TRIM24: variants seen among roughly 807,000 people sequenced by gnomAD.
The protein encoded by TRIM24 is tripartite motif containing 24.
Under a neutral mutation model 123.9 loss-of-function variants are expected in TRIM24, and 29 were observed. The observed-to-expected ratio is 0.23, with a 90% CI of 0.17 to 0.32. The LOEUF is 0.32. TRIM24 is among the 10% of genes least tolerant of loss of function. The probability of loss-of-function intolerance (pLI) is 1.00; values close to 1 mark genes in which losing one functional copy is unlikely to be tolerated. For missense variants in TRIM24, 932 were observed against 1,295.3 expected (o/e 0.72, Z 4.31); for synonymous variants, 456 against 461.1 (o/e 0.99, Z 0.14).
chr7:138,465,461 T>G (rs1256918254), intron 1 of TRIM24, among the ~76,000 whole-genome samples: 1 of 152,190 alleles, frequency 6.6e-6, no homozygotes, highest in Non-Finnish European at 1.5e-5. Context: ...TGAGAGCAGT[T>G]TTTTCCTCTC....
chr7:138,585,784 G>A lies in TRIM24; in HGVS notation c.*833G>A, dbSNP rs564644226. 1.9e-6 allele frequency: 1 copy of A among 521,840 alleles called. No homozygotes were observed. The highest frequency in any genetic ancestry group is 1.4e-5 in the South Asian group (1 of 71,338). The allele number at this position is 521,840 out of a possible 1,614,324, so 32.3% of individuals were successfully genotyped here. ...TGATCCTTTTACAACAAGCCTCATT[G>A]TTTGCAGTATAGCTTTTAGTGGAAC... On this transcript the variant is annotated 3_prime_UTR_variant, in exon 19 of 19. Coordinates refer to ENST00000343526, the MANE Select transcript of TRIM24 (RefSeq NM_015905.3).
intron 1 of TRIM24, among the ~76,000 whole-genome samples, chr7:138,497,983 G>A (rs959617076): frequency 1.3e-5 from 2 of 151,684 alleles, no homozygotes; most frequent in African/African-American, 4.8e-5. Flanking sequence ...ATCAGCCTCC[G>A]TGCCTGACCC....
chr7:138,526,539 G>A (rs1431719137), intron 5 of TRIM24, among the ~76,000 whole-genome samples: 2 of 151,974 alleles, frequency 1.3e-5, no homozygotes, highest in South Asian at 2.1e-4. Context: ...TGCCTCCTGG[G>A]TAGCTGGGAT....
At chr7:138,532,912 A>G (rs201455402) in intron 6 of TRIM24, among the ~76,000 whole-genome samples, 1 of 152,140 alleles carries the variant, frequency 6.6e-6, no homozygotes, top group South Asian at 2.1e-4. Context: ...GTAGTTCTCC[A>G]TGAAGGGGTC....
chr7:138,566,988 CTG>C (rs1797548060), intron 9 of TRIM24, among the ~76,000 whole-genome samples: 1 of 152,148 alleles, frequency 6.6e-6, no homozygotes, highest in South Asian at 2.1e-4. Context: ...TAGAAATAAT[CTG>C]TGCTTTATAA....
intron 6 of TRIM24, among the ~76,000 whole-genome samples, chr7:138,536,853 C>T (rs181780252): frequency 3.5e-3 from 536 of 152,220 alleles, no homozygotes; most frequent in African/African-American, 0.012. Flanking sequence ...TGAGCTGCAG[C>T]GGGCTCCACC....
intron 7 of TRIM24, among the ~76,000 whole-genome samples, chr7:138,543,264 G>GTGA (rs1332016044): frequency 6.6e-6 from 1 of 152,192 alleles, no homozygotes; most frequent in East Asian, 1.9e-4. Context: ...AATAGGAGCA[G>GTGA]TGAATCATAT....
chr7:138,582,314 G>A (rs1358781706), intron 17 of TRIM24, among the ~76,000 whole-genome samples: 4 of 152,058 alleles, frequency 2.6e-5, no homozygotes, highest in African/African-American at 4.8e-5. Flanking sequence ...AGGCCGAGGC[G>A]GGCGGATCAC....
intron 6 of TRIM24, among the ~76,000 whole-genome samples, chr7:138,530,216 G>T (rs975291871): frequency 1.9e-4 from 29 of 150,900 alleles, no homozygotes; most frequent in Admixed American, 1.9e-3. Flanking sequence ...TTTGTTCAAG[G>T]TCTGTGACTT....
intron 1 of TRIM24, among the ~76,000 whole-genome samples, chr7:138,468,545 C>T (rs572221764): frequency 2.0e-5 from 3 of 151,692 alleles, no homozygotes; most frequent in African/African-American, 7.3e-5. Flanking sequence ...TCGTAGATAG[C>T]GTATAGTTGT....
At chr7:138,465,739 A>G in intron 1 of TRIM24, among the ~76,000 whole-genome samples, 1 of 152,194 alleles carries the variant, frequency 6.6e-6, no homozygotes, top group East Asian at 1.9e-4. Flanking sequence ...ATATATATAA[A>G]AATATACATA....
chr7:138,514,358 A>G (rs1402918129), intron 2 of TRIM24: 1 of 152,210 alleles, frequency 6.6e-6, no homozygotes, highest in Non-Finnish European at 1.5e-5. Context: ...TGGCCGTGTC[A>G]CTTTCTTAAA....
chr7:138,516,609 C>A (rs1796401365), intron 3 of TRIM24, among the ~76,000 whole-genome samples: 1 of 152,074 alleles, frequency 6.6e-6, no homozygotes, highest in East Asian at 1.9e-4. Context: ...CCAGCCTTGG[C>A]CTCCCAAACT....
chr7:138,544,502 C>T (rs1367008579), intron 7 of TRIM24, among the ~76,000 whole-genome samples: 1 of 151,232 alleles, frequency 6.6e-6, no homozygotes, highest in Non-Finnish European at 1.5e-5. Context: ...CTACAAGGTC[C>T]TATTTCATTT....
chr7:138,460,436 C>T lies in TRIM24; in HGVS notation c.-113C>T. ...GCTTTCCCTCCCTCGCTGGCGCTGC[C>T]GCGAGTCCACCGAGCGGCCTCTGAG... is the stretch of plus-strand genomic sequence containing the variant. On this transcript the variant is annotated 5_prime_UTR_variant, in exon 1 of 19. Coordinates refer to ENST00000343526, the MANE Select transcript of TRIM24 (RefSeq NM_015905.3). 2.6e-6 allele frequency: 3 copies of T among 1,136,748 alleles called. No individual in the cohort carries two copies. Among genetic ancestry groups the T allele is most frequent in the South Asian group, 4.0e-5 (1 of 24,756 alleles). The allele number at this position is 1,136,748 out of a possible 1,614,324, so 70.4% of individuals were successfully genotyped here.
Position 138,477,267 on chromosome 7 carries a change from C to T in TRIM24, c.364+16355C>T, listed in dbSNP as rs138666593. Reference sequence around the variant, plus strand: ...CCCAGGAGGCAGAGGTTGCAGTGAGCGGAGATCAGGCCACTGCACTCCAGC... The same window carrying T: ...CCCAGGAGGCAGAGGTTGCAGTGAGTGGAGATCAGGCCACTGCACTCCAGC... On this transcript the variant is annotated intron_variant, in intron 1 of 18. Coordinates refer to ENST00000343526, the MANE Select transcript of TRIM24 (RefSeq NM_015905.3). 3.5e-4 allele frequency among the ~76,000 whole-genome samples: 53 copies of T among 152,172 alleles called. 1 individual carries two copies. Among genetic ancestry groups the T allele is most frequent in the East Asian group, 1.4e-3 (7 of 5,176 alleles).
intron 2 of TRIM24, among the ~76,000 whole-genome samples, chr7:138,510,405 T>C (rs1223280155): frequency 6.6e-6 from 1 of 152,060 alleles, no homozygotes; most frequent in Non-Finnish European, 1.5e-5. Flanking sequence ...GTGTGTGGTT[T>C]TTTTTGTTTG....
At chr7:138,529,253 G>A in intron 6 of TRIM24, 23 bp downstream of exon 6, 1 of 1,208,606 alleles carries the variant, frequency 8.3e-7, no homozygotes, top group Non-Finnish European at 1.1e-6. Context: ...CCATGGGATA[G>A]TATATTGATT....
At chr7:138,567,244 C>G (rs180800215) in intron 9 of TRIM24, among the ~76,000 whole-genome samples, 6 of 152,258 alleles carry the variant, frequency 3.9e-5, no homozygotes, top group African/African-American at 1.4e-4. Context: ...CTTACAAAAT[C>G]TAGGTGGCAA....
Sources: allele counts gnomAD v4.1 joint callset (sites outside exome capture counted in the v4.1 genomes callset), GRCh38; gene constraint gnomAD v4.1.1; transcripts MANE v1.5; gene names NCBI Gene and HGNC (gene_info 2026-07-23, HGNC 2026-07-21).